Variants in MAPK10 observed in about 807,000 individuals in gnomAD.
The protein encoded by MAPK10 is mitogen-activated protein kinase 10.
A neutral mutation model predicts 59.3 loss-of-function variants in MAPK10; 25 were observed. That is an observed-to-expected ratio of 0.42 (90% CI 0.31 to 0.59). MAPK10 has a LOEUF of 0.59. Among genes scored for constraint, MAPK10 ranks in the 20% least tolerant of loss-of-function variants. MAPK10 has a pLI of 0.15. For missense variants in MAPK10, 351 were observed against 568.9 expected (o/e 0.62, Z 3.90); for synonymous variants, 190 against 200.5 (o/e 0.95, Z 0.44).
chr4:86,568,998 G>A (rs974522088), intron 1 of MAPK10, among the ~76,000 whole-genome samples: 2 of 151,858 alleles, frequency 1.3e-5, no homozygotes, highest in Admixed American at 1.3e-4. Context: ...AACAATCAAC[G>A]CAGTAAACAG....
intron 1 of MAPK10, among the ~76,000 whole-genome samples, chr4:86,379,722 G>A (rs1252527896): frequency 6.6e-6 from 1 of 152,140 alleles, no homozygotes; most frequent in East Asian, 1.9e-4. Flanking sequence ...AATACTTTTA[G>A]TTAATCTATA....
intron 9 of MAPK10, among the ~76,000 whole-genome samples, chr4:86,075,804 A>G (rs1379288343): frequency 1.3e-5 from 2 of 152,136 alleles, no homozygotes; most frequent in African/African-American, 4.8e-5. Context: ...CAAAGCTGTC[A>G]GACAGGGGCA....
Position 86,407,083 on chromosome 4 carries a change from TCAGGTG to T in MAPK10, c.-122+45941_-122+45946del, listed in dbSNP as rs554022381. ...GGATTCTCTAGCTCAGAACACACAT[TCAGGTG>T]CATCTGCCATACAAGGTCATTCTAA... is the stretch of plus-strand genomic sequence containing the variant. On this transcript the variant is annotated intron_variant, in intron 1 of 13. Coordinates refer to the MAPK10 transcript ENST00000361569. Among the ~76,000 whole-genome samples, 623 of 152,204 alleles carry T rather than the reference TCAGGTG, an allele frequency of 4.1e-3. 6 individuals carry two copies. Among genetic ancestry groups the T allele is most frequent in the African/African-American group, 0.014 (595 of 41,516 alleles).
chr4:86,365,801 T>C (rs919327265), intron 1 of MAPK10, among the ~76,000 whole-genome samples: 2 of 152,218 alleles, frequency 1.3e-5, no homozygotes, highest in Non-Finnish European at 2.9e-5. Context: ...TAAAACTGTA[T>C]GTAATATAGA....
intron 4 of MAPK10, among the ~76,000 whole-genome samples, chr4:86,151,426 GAAGC>G (rs2066447804): frequency 6.6e-6 from 1 of 152,142 alleles, no homozygotes; most frequent in Non-Finnish European, 1.5e-5. Flanking sequence ...AGCTGAGGAT[GAAGC>G]TCATAAACTT....
At chr4:86,204,406 C>A (rs909094787) in intron 2 of MAPK10, among the ~76,000 whole-genome samples, 3 of 151,684 alleles carry the variant, frequency 2.0e-5, no homozygotes, top group Admixed American at 1.3e-4. Context: ...TTTGATGACA[C>A]AAAATAGTAT....
At chr4:86,487,730 CA>C (rs556680512) in intron 1 of MAPK10, among the ~76,000 whole-genome samples, 37,058 of 95,780 alleles carry the variant, frequency 0.39, 4,523 homozygotes, top group Admixed American at 0.46. Context: ...GACTCTGTCT[CA>C]AAAAAAAAAA....
chr4:86,431,496 T>C (rs1748041169), intron 1 of MAPK10, among the ~76,000 whole-genome samples: 1 of 152,242 alleles, frequency 6.6e-6, no homozygotes, highest in Non-Finnish European at 1.5e-5. Flanking sequence ...GAAATTCACA[T>C]TGTATTCTCC....
At chr4:86,189,141 C>A (rs1269433610) in intron 3 of MAPK10, among the ~76,000 whole-genome samples, 1 of 152,162 alleles carries the variant, frequency 6.6e-6, no homozygotes, top group Non-Finnish European at 1.5e-5. Flanking sequence ...GTTTTGGTTA[C>A]TGTAGCCTTG....
intron 2 of MAPK10, among the ~76,000 whole-genome samples, chr4:86,265,505 T>C (rs1355049722): frequency 1.4e-5 from 2 of 145,558 alleles, no homozygotes; most frequent in Non-Finnish European, 3.0e-5. Flanking sequence ...CAAGTCTCCA[T>C]CTCAAAAAAA....
In MAPK10 at chr4:86,102,052, G is replaced by A. The variant is rs1218435346; in HGVS notation, c.426-20C>T. On this transcript the variant is annotated intron_variant, in intron 6 of 13. Transcript: ENST00000641462. Reference sequence around the variant, plus strand: ...AAGTAACTAGAAGGGTGAATCCACAGTGTTAGTTCCAGATCACAAGATCTA... The same window carrying A: ...AAGTAACTAGAAGGGTGAATCCACAATGTTAGTTCCAGATCACAAGATCTA... 1 of 1,611,506 alleles carries A rather than the reference G, an allele frequency of 6.2e-7. No homozygotes were observed. Among genetic ancestry groups the A allele is most frequent in the East Asian group, 2.2e-5 (1 of 44,860 alleles).
chr4:86,576,693 T>C (rs1320244112), intron 1 of MAPK10, among the ~76,000 whole-genome samples: 1 of 151,476 alleles, frequency 6.6e-6, no homozygotes, highest in Non-Finnish European at 1.5e-5. Context: ...GAGAATGGCA[T>C]GAACCCGGGA....
Position 86,051,358 on chromosome 4 carries a change from T to C in MAPK10, c.1110+12908A>G, listed in dbSNP as rs75718459. Among the ~76,000 whole-genome samples the C allele has an allele frequency of 8.4e-3, 1,096 of 130,378 alleles. 34 individuals carry two copies. In the East Asian group the frequency reaches 0.12, roughly 14 times the overall value. The allele number at this position is 130,378 out of a possible 152,430, so 85.5% of individuals were successfully genotyped here. A position where few individuals can be genotyped will look rare whatever the true frequency, so the allele number is the denominator to read the frequency against. ...TATAACGAATGCCCTAGGGCCTAAGTCATGGATCTACACTTGGGAAGAAAA... is the reference window on the plus strand; with the variant it reads ...TATAACGAATGCCCTAGGGCCTAAGCCATGGATCTACACTTGGGAAGAAAA... On this transcript the variant is annotated intron_variant, in intron 11 of 13. Transcript: ENST00000641462.
intron 3 of MAPK10, among the ~76,000 whole-genome samples, chr4:86,185,447 A>G (rs2077976305): frequency 6.6e-6 from 1 of 152,192 alleles, no homozygotes; most frequent in African/African-American, 2.4e-5. Context: ...GGGCTAGATA[A>G]TAAAGGCTTG....
intron 10 of MAPK10, among the ~76,000 whole-genome samples, chr4:86,066,810 T>C (rs1579497107): frequency 7.1e-6 from 1 of 139,992 alleles, no homozygotes. Context: ...TCTTCATGAA[T>C]AGGGTCATGA....
chr4:86,305,775 C>T (rs991096238), intron 2 of MAPK10, among the ~76,000 whole-genome samples: 4 of 149,938 alleles, frequency 2.7e-5, no homozygotes, highest in Non-Finnish European at 5.9e-5. Context: ...GCCGAGATCA[C>T]ACCACTACAC....
At position 86,359,288 on chromosome 4, in the gene MAPK10, CTGTG is replaced by C. The variant is rs1554248575; in HGVS notation, c.-122+366_-122+369del. On this transcript the variant is annotated intron_variant, in intron 1 of 13. Coordinates refer to ENST00000641462, the MANE Select transcript of MAPK10 (RefSeq NM_138982.4). The stretch of plus-strand genomic sequence containing the variant: ...CCTCTCTCTCTCTCTCTCTCTCTCT[CTGTG>C]TGTGTGTGTGTGTGTGTGTGTGTGT... Among the ~76,000 whole-genome samples, 319 of 94,514 alleles carry C rather than the reference CTGTG, an allele frequency of 3.4e-3. 8 individuals carry two copies. The highest frequency in any genetic ancestry group is 9.5e-3 in the African/African-American group (179 of 18,800). The allele number at this position is 94,514 out of a possible 152,430, so 62.0% of individuals were successfully genotyped here. A position where few individuals can be genotyped will look rare whatever the true frequency, so the allele number is the denominator to read the frequency against.
At chr4:86,496,332 A>T (rs1236689484) in intron 1 of MAPK10, among the ~76,000 whole-genome samples, 1 of 152,186 alleles carries the variant, frequency 6.6e-6, no homozygotes, top group Non-Finnish European at 1.5e-5. Flanking sequence ...CAAACATAAA[A>T]AATTGGCCTG....
At chr4:86,272,513 G>A (rs1489638859) in intron 2 of MAPK10, among the ~76,000 whole-genome samples, 2 of 151,840 alleles carry the variant, frequency 1.3e-5, no homozygotes, top group Non-Finnish European at 2.9e-5. Context: ...AGAGGTTAAG[G>A]TTTTTTCATA....
Sources: gnomAD v4.1 joint callset for allele counts (sites outside exome capture counted in the v4.1 genomes callset) on GRCh38, gnomAD v4.1.1 for gene constraint, MANE v1.5 for transcripts, NCBI Gene and HGNC (gene_info 2026-07-23, HGNC 2026-07-21) for gene names.